HTR7: variants seen among roughly 807,000 people sequenced by gnomAD.
The protein encoded by HTR7 is 5-hydroxytryptamine receptor 7.
Under a neutral mutation model 34.0 loss-of-function variants are expected in HTR7, and 16 were observed. The observed-to-expected ratio is 0.47, with a 90% CI of 0.32 to 0.71. The LOEUF is 0.71. Ranked by LOEUF, HTR7 falls within the 30% of genes least tolerant of loss-of-function variation. HTR7 has a pLI of 0.04. For synonymous variants in HTR7, 265 were observed against 260.2 expected, an observed-to-expected ratio of 1.02 and a Z score of -0.18; for missense variants, 504 against 625.5, an observed-to-expected ratio of 0.81 and a Z score of 2.07.
At chr10:90,821,496 C>A (rs1236115104) in intron 1 of HTR7, among the ~76,000 whole-genome samples, 1 of 152,238 alleles carries the variant, frequency 6.6e-6, no homozygotes, top group East Asian at 1.9e-4. Flanking sequence ...TGAGTTCCAG[C>A]AAGCCTTGCC....
intron 1 of HTR7, among the ~76,000 whole-genome samples, chr10:90,851,756 C>A (rs1345949964): frequency 6.6e-6 from 1 of 152,146 alleles, no homozygotes; most frequent in East Asian, 1.9e-4. Flanking sequence ...ATAATCCCCA[C>A]ATGTCAAGGG....
rs955838279 is a variant in HTR7, at chr10:90,858,000, C to T, written c.-329G>A. ...GTTCGCAGCAGCAGCTCGGCTGCGC[C>T]GAGAGCGCCCGGGCGGCAGCGGCAG... On this transcript the variant is annotated 5_prime_UTR_variant, in exon 1 of 4. Coordinates refer to ENST00000336152, the MANE Select transcript of HTR7 (RefSeq NM_019859.4). The surrounding 1 kb of genome is among the most constrained non-coding windows in gnomAD (Gnocchi z 6.5). Among the ~76,000 whole-genome samples the T allele has an allele frequency of 1.3e-5, 2 of 150,368 alleles. No homozygotes were observed. Among genetic ancestry groups the T allele is most frequent in the African/African-American group, 4.9e-5 (2 of 41,186 alleles).
At chr10:90,765,493 A>G (rs1845006921) in intron 1 of HTR7, among the ~76,000 whole-genome samples, 1 of 150,838 alleles carries the variant, frequency 6.6e-6, no homozygotes, top group Non-Finnish European at 1.5e-5. Flanking sequence ...CTGGTTTGTT[A>G]GTCTTTACTA....
chr10:90,793,216 G>A (rs73314031), intron 1 of HTR7, among the ~76,000 whole-genome samples: 3,592 of 151,852 alleles, frequency 0.024, 154 homozygotes, highest in African/African-American at 0.082. Flanking sequence ...CAAGAAAAAA[G>A]CAAATAACCC....
intron 1 of HTR7, among the ~76,000 whole-genome samples, chr10:90,827,642 T>C (rs919412457): frequency 1.3e-5 from 2 of 152,216 alleles, no homozygotes; most frequent in Non-Finnish European, 2.9e-5. Flanking sequence ...AAGAAGGTCA[T>C]TGTATAATGA....
intron 1 of HTR7, among the ~76,000 whole-genome samples, chr10:90,847,966 T>TA (rs1397303451): frequency 6.6e-6 from 1 of 151,502 alleles, no homozygotes; most frequent in Middle Eastern, 3.2e-3. Flanking sequence ...CTTGTGTAAT[T>TA]ACCACTCCAG....
chr10:90,856,863 C>A (rs901289278), intron 1 of HTR7, among the ~76,000 whole-genome samples: 1 of 152,224 alleles, frequency 6.6e-6, no homozygotes, highest in African/African-American at 2.4e-5. Context: ...GGTGGAAATG[C>A]TAAGGCTTAA....
intron 1 of HTR7, among the ~76,000 whole-genome samples, chr10:90,789,007 G>A (rs933764021): frequency 3.3e-5 from 5 of 151,928 alleles, no homozygotes; most frequent in African/African-American, 4.8e-5. Context: ...TCCCATTATC[G>A]CGATCCCCTA....
intron 1 of HTR7, among the ~76,000 whole-genome samples, chr10:90,822,072 G>A (rs557547914): frequency 6.6e-6 from 1 of 152,094 alleles, no homozygotes; most frequent in Non-Finnish European, 1.5e-5. Context: ...TACCAGGAGT[G>A]GGGCATTGCT....
intron 2 of HTR7, among the ~76,000 whole-genome samples, chr10:90,746,167 T>C (rs1844630203): frequency 6.6e-6 from 1 of 152,200 alleles, no homozygotes; most frequent in African/African-American, 2.4e-5. Context: ...TGAAGAAAAC[T>C]AACCTATCAT....
intron 3 of HTR7, 76 bp from the exon 4 acceptor site, chr10:90,742,604 G>A: frequency 9.7e-7 from 1 of 1,029,348 alleles, no homozygotes; most frequent in African/African-American, 1.6e-5. Flanking sequence ...GTGGTAGGTG[G>A]ACTTAATTTT....
At chr10:90,790,122 T>A (rs1446844586) in intron 1 of HTR7, among the ~76,000 whole-genome samples, 4 of 152,198 alleles carry the variant, frequency 2.6e-5, no homozygotes, top group Non-Finnish European at 5.9e-5. Context: ...TTTATCCTAG[T>A]CATGTGGAAT....
intron 1 of HTR7, among the ~76,000 whole-genome samples, chr10:90,828,249 C>T (rs548103786): frequency 4.5e-4 from 69 of 152,114 alleles, no homozygotes; most frequent in African/African-American, 1.2e-3. Flanking sequence ...TAAGTGCCTA[C>T]ATAAAAAAAG....
chr10:90,821,670 T>C (rs1434622374), intron 1 of HTR7, among the ~76,000 whole-genome samples: 3 of 152,204 alleles, frequency 2.0e-5, no homozygotes, highest in Non-Finnish European at 4.4e-5. Flanking sequence ...GCCAAGGGAA[T>C]TGACGTGGTT....
chr10:90,770,019 C>T (rs932510303), intron 1 of HTR7, among the ~76,000 whole-genome samples: 1 of 152,234 alleles, frequency 6.6e-6, no homozygotes, highest in African/African-American at 2.4e-5. Context: ...CCCTGTGCCC[C>T]GCATCCCCAA....
intron 1 of HTR7, among the ~76,000 whole-genome samples, chr10:90,771,414 G>A (rs927825524): frequency 6.6e-6 from 1 of 152,244 alleles, no homozygotes; most frequent in African/African-American, 2.4e-5. Flanking sequence ...TCACCAGGTT[G>A]CAGGCAAAGA....
At chr10:90,776,492 T>C (rs912869633) in intron 1 of HTR7, among the ~76,000 whole-genome samples, 1 of 152,246 alleles carries the variant, frequency 6.6e-6, no homozygotes, top group Non-Finnish European at 1.5e-5. Flanking sequence ...CTATAAACCT[T>C]AGACAAGATG....
chr10:90,777,616 G>C (rs1845239727), intron 1 of HTR7, among the ~76,000 whole-genome samples: 1 of 152,238 alleles, frequency 6.6e-6, no homozygotes, highest in Non-Finnish European at 1.5e-5. Context: ...AACTTTTCCA[G>C]GTGCCACCTG....
At chr10:90,804,286 T>C (rs763197342) in intron 1 of HTR7, among the ~76,000 whole-genome samples, 13 of 152,172 alleles carry the variant, frequency 8.5e-5, no homozygotes, top group South Asian at 2.1e-4. Flanking sequence ...CTGTGTGACA[T>C]GATTCTTCCT....
Sources: allele counts gnomAD v4.1 joint callset (sites outside exome capture counted in the v4.1 genomes callset), GRCh38; gene constraint gnomAD v4.1.1; non-coding constraint Gnocchi (gnomAD v3.1); transcripts MANE v1.5; gene names NCBI Gene and HGNC (gene_info 2026-07-23, HGNC 2026-07-21).